DACT3: variants seen among roughly 807,000 people sequenced by gnomAD.
DACT3 encodes dapper homolog 3.
A neutral mutation model predicts 19.6 loss-of-function variants in DACT3; 5 were observed. That is an observed-to-expected ratio of 0.26 (90% CI 0.13 to 0.54). DACT3 has a LOEUF of 0.54. Among genes scored for constraint, DACT3 ranks in the 20% least tolerant of loss-of-function variants. The probability of loss-of-function intolerance (pLI) is 0.95; values close to 1 mark genes in which losing one functional copy is unlikely to be tolerated. For synonymous variants in DACT3, 454 were observed against 428.1 expected, an observed-to-expected ratio of 1.06 and a Z score of -0.75; for missense variants, 908 against 927.4, an observed-to-expected ratio of 0.98 and a Z score of 0.27.
In DACT3 at chr19:46,652,761, G is replaced by A; in HGVS notation, c.398C>T (p.Thr133Ile). The change falls in exon 3 of 4, where the codon ACC becomes ATC. Residue 133 changes from threonine to isoleucine, a missense_variant. Thr to Ile is a moderately conservative substitution (Grantham distance 89). Transcript: ENST00000391916. ...STGGPDSPPS[T>I]FCGDSGFSGS... ...AGAGAAGCCACTGTCCCCACAGAAG[G>A]TTGAGGGTGGTGAATCTGGACCTCC... The A allele has an allele frequency of 1.3e-6, 2 of 1,551,664 alleles. No homozygotes were observed. The highest frequency in any genetic ancestry group is 1.7e-6 in the Non-Finnish European group (2 of 1,146,982).
At chr19:46,659,873 A>G (rs1453033951) in intron 1 of DACT3, among the ~76,000 whole-genome samples, 1 of 152,164 alleles carries the variant, frequency 6.6e-6, no homozygotes, top group Non-Finnish European at 1.5e-5. Flanking sequence ...GCAGACAGGC[A>G]GGAAGGGAAG....
Position 46,649,883 on chromosome 19 carries a change from A to G in DACT3, c.500-11T>C. On this transcript the variant is annotated splice_polypyrimidine_tract_variant and intron_variant, in intron 3 of 3. Transcript: ENST00000391916. ...TGGGACTGGCGTCTCCTAGGGAAGG[A>G]AGGCCAAAAAAAAAAAAAAAAGAGA... 3 of 1,290,274 alleles carry G rather than the reference A, an allele frequency of 2.3e-6. No homozygotes were observed. Among genetic ancestry groups the G allele is most frequent in the South Asian group, 1.8e-5 (1 of 56,992 alleles). 79.9% of individuals were successfully genotyped at this position (1,290,274 alleles called of 1,614,324 possible).
Position 46,660,695 on chromosome 19 carries a change from C to T in DACT3, c.249+121G>A. 1 of 1,395,420 alleles carries T rather than the reference C, an allele frequency of 7.2e-7. No homozygotes were observed. The allele number at this position is 1,395,420 out of a possible 1,614,324, so 86.4% of individuals were successfully genotyped here. A position where few individuals can be genotyped will look rare whatever the true frequency, so the allele number is the denominator to read the frequency against. ...AACTCCGGGGTCGCCAGCCCCACCC[C>T]CTGTCCTTTCTCACTCCCTGCCTAC... is the stretch of plus-strand genomic sequence containing the variant. On this transcript the variant is annotated intron_variant, in intron 1 of 3. Transcript: ENST00000391916. This position sits in a 1 kb window ranked among gnomAD's most constrained non-coding sequence, Gnocchi z 4.9.
rs1410518855 is a variant in DACT3 at position 46,652,825 on chromosome 19, G to A, written c.347-13C>T. ...TCTTCATAGAAGCCTAAATTTCCAGGAGAAGCAGAGAGACTTCAGGGGGTT... is the reference window on the plus strand; with the variant it reads ...TCTTCATAGAAGCCTAAATTTCCAGAAGAAGCAGAGAGACTTCAGGGGGTT... On this transcript the variant is annotated splice_polypyrimidine_tract_variant and intron_variant, in intron 2 of 3. Coordinates refer to ENST00000391916, the MANE Select transcript of DACT3 (RefSeq NM_145056.3). The A allele has an allele frequency of 3.9e-6, 6 of 1,547,048 alleles. No individual in the cohort carries two copies. Among genetic ancestry groups the A allele is most frequent in the African/African-American group, 1.4e-5 (1 of 72,840 alleles).
At chr19:46,651,261 T>G (rs2052981704) in intron 3 of DACT3, 1 of 152,048 alleles carries the variant, frequency 6.6e-6, no homozygotes, top group Admixed American at 6.6e-5. Context: ...TTTTGTATTT[T>G]TTGTAGAGAC....
chr19:46,660,927 C>A lies in DACT3; in HGVS notation c.138G>T (p.Arg46=). ...RQEYRVQQAL[R]LAQPGMGGAE... ...CGCCCCCCATTCCGGGCTGGGCCAG[C>A]CGCAGCGCCTGCTGCACGCGGTACT... The change falls in exon 1 of 4, where the codon CGG becomes CGT. Residue 46 remains arginine (R), a synonymous_variant. Coordinates refer to ENST00000391916, the MANE Select transcript of DACT3 (RefSeq NM_145056.3). The surrounding 1 kb of genome is among the most constrained non-coding windows in gnomAD (Gnocchi z 4.9). 1 of 1,539,532 alleles carries A rather than the reference C, an allele frequency of 6.5e-7. No homozygotes were observed. Among genetic ancestry groups the A allele is most frequent in the Non-Finnish European group, 8.7e-7 (1 of 1,146,042 alleles).
chr19:46,649,458 G>A lies in DACT3; in HGVS notation c.914C>T (p.Pro305Leu). 3 of 1,200,666 alleles carry A rather than the reference G, an allele frequency of 2.5e-6. No individual in the cohort carries two copies. The highest frequency in any genetic ancestry group is 3.1e-6 in the Non-Finnish European group (3 of 964,048). 74.4% of individuals were successfully genotyped at this position (1,200,666 alleles called of 1,614,324 possible). Reference sequence around the variant, plus strand: ...GTGGCCCCCGACGCGCTCCAACGAGGGCTCCCGCGCGGGTCGCGCGCTGCC... The same window carrying A: ...GTGGCCCCCGACGCGCTCCAACGAGAGCTCCCGCGCGGGTCGCGCGCTGCC... ...SPGSARPARE[P>L]SLERVGGHPT... The change falls in exon 4 of 4, where the codon CCC becomes CTC. Residue 305 changes from proline to leucine, a missense_variant. By Grantham distance (98) the Pro-to-Leu change is moderately conservative. Around this residue, in one of 2 missense-constraint regions of DACT3, gnomAD observed 656 missense variants for 601.8 expected, o/e 1.09. Coordinates refer to ENST00000391916, the MANE Select transcript of DACT3 (RefSeq NM_145056.3).
At chr19:46,652,458 C>A in intron 3 of DACT3, 1 of 628,962 alleles carries the variant, frequency 1.6e-6, no homozygotes, top group Non-Finnish European at 2.7e-6. Context: ...GGATTACAGG[C>A]GTGAGCCACC....
chr19:46,660,902 C>T lies in DACT3; in HGVS notation c.163G>A (p.Ala55Thr), dbSNP rs1451768573. 1 of 1,537,262 alleles carries T rather than the reference C, an allele frequency of 6.5e-7. No individual in the cohort carries two copies. The highest frequency in any genetic ancestry group is 8.7e-7 in the Non-Finnish European group (1 of 1,145,744). Residue 55 changes from alanine (A) to threonine (T), a missense_variant, in exon 1 of 4, where the codon GCC becomes ACC. Coordinates refer to ENST00000391916, the MANE Select transcript of DACT3 (RefSeq NM_145056.3). The surrounding 1 kb of genome is among the most constrained non-coding windows in gnomAD (Gnocchi z 4.9). ...GCGTCCTCCTCGTCCTCGGCCTCGG[C>T]GCCCCCCATTCCGGGCTGGGCCAGC... ...LRLAQPGMGG[A>T]EAEDEEDADE...
chr19:46,648,552 G>A lies in DACT3; in HGVS notation c.1820C>T (p.Ala607Val). The change falls in exon 4 of 4, where the codon GCT (alanine) becomes GTT (valine). Residue 607 changes from alanine to valine, a missense_variant. Ala to Val is a moderately conservative substitution (Grantham distance 64). Around this residue, in one of 2 missense-constraint regions of DACT3, gnomAD observed 656 missense variants for 601.8 expected, o/e 1.09. Transcript: ENST00000391916. This position sits in a 1 kb window ranked among gnomAD's most constrained non-coding sequence, Gnocchi z 5.1. Reference protein sequence around the residue: ...GPAKVFVKIKASHALKKKILR... With the variant: ...GPAKVFVKIKVSHALKKKILR... Reference sequence around the variant, plus strand: ...TATCTTTTTCTTGAGCGCGTGGGAAGCTTTGATTTTCACGAAGACTTTGGC... The same window carrying A: ...TATCTTTTTCTTGAGCGCGTGGGAAACTTTGATTTTCACGAAGACTTTGGC... The A allele has an allele frequency of 6.2e-7, 1 of 1,613,994 alleles. No individual in the cohort carries two copies. The highest frequency in any genetic ancestry group is 1.6e-4 in the Middle Eastern group (1 of 6,062).
At position 46,648,527 on chromosome 19, in the gene DACT3, T is replaced by G; in HGVS notation, c.1845A>C (p.Ile615=). The G allele has an allele frequency of 6.2e-7, 1 of 1,613,916 alleles. No homozygotes were observed. The highest frequency in any genetic ancestry group is 8.5e-7 in the Non-Finnish European group (1 of 1,179,838). The change falls in exon 4 of 4, where the codon ATA becomes ATC. Residue 615 remains isoleucine (I), a synonymous_variant. Transcript: ENST00000391916. The surrounding 1 kb of genome is among the most constrained non-coding windows in gnomAD (Gnocchi z 5.1). The part of the protein sequence containing the change: ...IKASHALKKK[I]LRFRSGSLKV... ...TGAGAGAACCCGAACGGAAACGCAG[T>G]ATCTTTTTCTTGAGCGCGTGGGAAG... is the stretch of plus-strand genomic sequence containing the variant.
Position 46,661,092 on chromosome 19 carries a change from C to G in DACT3, c.-28G>C, listed in dbSNP as rs1205958902. ...CTGCGGCCCCCCGCCCCAGCCCGGC[C>G]GGGCCCCGCGGCCACCCCTCTCCCG... On this transcript the variant is annotated 5_prime_UTR_variant, in exon 1 of 4. Transcript: ENST00000391916. 2 of 1,397,560 alleles carry G rather than the reference C, an allele frequency of 1.4e-6. No individual in the cohort carries two copies. Among genetic ancestry groups the G allele is most frequent in the Non-Finnish European group, 1.8e-6 (2 of 1,083,952 alleles). The allele number at this position is 1,397,560 out of a possible 1,614,324, so 86.6% of individuals were successfully genotyped here.
At position 46,649,652 on chromosome 19, in the gene DACT3, G is replaced by A; in HGVS notation, c.720C>T (p.Pro240=). 5 of 1,157,818 alleles carry A rather than the reference G, an allele frequency of 4.3e-6. No homozygotes were observed. The highest frequency in any genetic ancestry group is 3.6e-4 in the Middle Eastern group (1 of 2,810). 71.7% of individuals were successfully genotyped at this position (1,157,818 alleles called of 1,614,324 possible). A position where few individuals can be genotyped will look rare whatever the true frequency, so the allele number is the denominator to read the frequency against. The change falls in exon 4 of 4, where the codon CCC becomes CCT. Residue 240 remains proline, a synonymous_variant. Coordinates refer to ENST00000391916, the MANE Select transcript of DACT3 (RefSeq NM_145056.3). ...GGGGCCGCCCTGCGCCCCCCGCGTC[G>A]GGCGAGTCGGTGGGAGGGCGGCCGC... is the stretch of plus-strand genomic sequence containing the variant. ...RPCGRPPTDS[P]DAGGAGRPLD... is the part of the protein sequence containing the mutation.
chr19:46,652,640 C>T lies in DACT3; in HGVS notation c.499+20G>A. 1 of 1,549,156 alleles carries T rather than the reference C, an allele frequency of 6.5e-7. No homozygotes were observed. Among genetic ancestry groups the T allele is most frequent in the Non-Finnish European group, 8.7e-7 (1 of 1,146,684 alleles). The stretch of plus-strand genomic sequence containing the variant: ...ACTGTCCTTTCCCTGGCCCCAGGGC[C>T]CCACCCTCACCCACCTTACCTAGGG... On this transcript the variant is annotated intron_variant, in intron 3 of 3. Coordinates refer to ENST00000391916, the MANE Select transcript of DACT3 (RefSeq NM_145056.3).
Position 46,660,658 on chromosome 19 carries a change from GC to G in DACT3, c.249+157del, listed in dbSNP as rs1048496236. On this transcript the variant is annotated intron_variant, in intron 1 of 3. Transcript: ENST00000391916. The surrounding 1 kb of genome is among the most constrained non-coding windows in gnomAD (Gnocchi z 4.9). ...TTTGGGGGCGGGGAGGCCAGGTCCGGCCCGCCGCCGGAACTCCGGGGTCGCC... is the reference window on the plus strand; with the variant it reads ...TTTGGGGGCGGGGAGGCCAGGTCCGGCCGCCGCCGGAACTCCGGGGTCGCC... Among the ~76,000 whole-genome samples, 1 of 152,128 alleles carries G rather than the reference GC, an allele frequency of 6.6e-6. No individual in the cohort carries two copies. Among genetic ancestry groups the G allele is most frequent in the Admixed American group, 6.5e-5 (1 of 15,280 alleles).
At chr19:46,657,982 G>A (rs1419599978) in intron 1 of DACT3, among the ~76,000 whole-genome samples, 1 of 151,286 alleles carries the variant, frequency 6.6e-6, no homozygotes, top group Non-Finnish European at 1.5e-5. Flanking sequence ...AATCCAGGAG[G>A]TGGAGGTTGC....
Position 46,660,771 on chromosome 19 carries a change from GAC to G in DACT3, c.249+43_249+44del, listed in dbSNP as rs1221972797. ...TCTGAGCATCCAACCGAGACAGACA[GAC>G]ACAGACGGGGGTGGAGGGACGGACG... On this transcript the variant is annotated intron_variant, in intron 1 of 3. Coordinates refer to ENST00000391916, the MANE Select transcript of DACT3 (RefSeq NM_145056.3). The surrounding 1 kb of genome is among the most constrained non-coding windows in gnomAD (Gnocchi z 4.9). 2 of 1,440,682 alleles carry G rather than the reference GAC, an allele frequency of 1.4e-6. No homozygotes were observed. Among genetic ancestry groups the G allele is most frequent in the Non-Finnish European group, 1.8e-6 (2 of 1,101,746 alleles). The allele number at this position is 1,440,682 out of a possible 1,614,324, so 89.2% of individuals were successfully genotyped here. A position where few individuals can be genotyped will look rare whatever the true frequency, so the allele number is the denominator to read the frequency against.
intron 1 of DACT3, chr19:46,654,697 C>G (rs1437616869): frequency 1.0e-6 from 1 of 985,280 alleles, no homozygotes; most frequent in East Asian, 1.1e-4. Flanking sequence ...ACGGTTGACC[C>G]TCAGACAAAA....
chr19:46,649,022 T>C lies in DACT3; in HGVS notation c.1350A>G (p.Glu450=). ...GPPKYPTAER[E]EPRPPRPRRG... ...GGCGTGGCCGTGGAGGCCGAGGCTC[T>C]TCCCGCTCCGCCGTGGGGTACTTAG... is the stretch of plus-strand genomic sequence containing the variant. The change falls in exon 4 of 4, where the codon GAA becomes GAG. Residue 450 remains glutamate, a synonymous_variant. Transcript: ENST00000391916. 1 of 1,271,086 alleles carries C rather than the reference T, an allele frequency of 7.9e-7. No individual in the cohort carries two copies. The allele number at this position is 1,271,086 out of a possible 1,614,324, so 78.7% of individuals were successfully genotyped here.
Sources: allele counts gnomAD v4.1 joint callset (sites outside exome capture counted in the v4.1 genomes callset), GRCh38; gene constraint gnomAD v4.1.1; regional missense constraint gnomAD v4.1.1; non-coding constraint Gnocchi (gnomAD v3.1); transcripts MANE v1.5; gene names NCBI Gene and HGNC (gene_info 2026-07-23, HGNC 2026-07-21).